Variants in COX7A2 observed in about 807,000 individuals in gnomAD.
COX7A2 encodes the protein cytochrome c oxidase subunit 7A2.
In COX7A2, 11 loss-of-function variants were observed where a neutral mutation model predicts 11.6. The observed-to-expected ratio is 0.95, with a 90% CI of 0.60 to 1.57. The LOEUF is 1.57. Among genes scored for constraint, COX7A2 ranks in the 40% most tolerant of loss-of-function variants. The pLI, the probability that COX7A2 is intolerant of heterozygous loss-of-function variation, is 0.00. For missense variants in COX7A2, 106 were observed against 100.9 expected (o/e 1.05, Z -0.22); for synonymous variants, 30 against 38.2 (o/e 0.78, Z 0.79).
chr6:75,238,080 A>G (rs1406936837), intron 3 of COX7A2, 92 bp from the exon 4 acceptor site: 18 of 770,350 alleles, frequency 2.3e-5, no homozygotes, highest in Admixed American at 3.5e-5. Context: ...GTAAGTTTGC[A>G]TTAAGACTAC....
intron 1 of COX7A2, chr6:75,241,849 A>G: frequency 6.5e-6 from 1 of 153,790 alleles, no homozygotes; most frequent in East Asian, 1.9e-4. Context: ...TGGGAGGCTG[A>G]GGCAGGAGAA....
rs1336219370 is a variant in COX7A2 at position 75,241,201 on chromosome 6, A to T, written c.83T>A (p.Val28Asp). ...TASRRHFKNKVPEKQKLFQED... is the reference protein window; with the variant it reads ...TASRRHFKNKDPEKQKLFQED... ...CTGGAACAGTTTTTGCTTCTCCGGAACTTTATTTTTAAAATGCCTGCGGGA... is the reference window on the plus strand; with the variant it reads ...CTGGAACAGTTTTTGCTTCTCCGGATCTTTATTTTTAAAATGCCTGCGGGA... The change falls in exon 2 of 4, where the codon GTT (valine) becomes GAT (aspartate). Residue 28 changes from valine (V) to aspartate (D), a missense_variant. Val to Asp is a radical substitution (Grantham distance 152, BLOSUM62 -3). Transcript: ENST00000684430. The T allele has an allele frequency of 6.3e-7, 1 of 1,598,612 alleles. No homozygotes were observed. Among genetic ancestry groups the T allele is most frequent in the Non-Finnish European group, 8.6e-7 (1 of 1,168,332 alleles).
Position 75,240,334 on chromosome 6 carries a change from G to A in COX7A2, c.160C>T (p.Leu54=), listed in dbSNP as rs368893887. 70 of 1,610,114 alleles carry A rather than the reference G, an allele frequency of 4.3e-5. No individual in the cohort carries two copies. The highest frequency in any genetic ancestry group is 5.8e-5 in the Non-Finnish European group (68 of 1,178,902). Residue 54 remains leucine, a synonymous_variant, in exon 3 of 4, where the codon CTG becomes TTG. Coordinates refer to ENST00000684430, the MANE Select transcript of COX7A2 (RefSeq NM_001366293.2). The stretch of plus-strand genomic sequence containing the variant: ...GTAAGAATCATGGTGGCTCTATACA[G>A]GAGGGCATCAGCTACCCCACCCTTT... The part of the protein sequence containing the change: ...YLKGGVADAL[L]YRATMILTVG...
downstream of COX7A2, chr6:75,237,771 A>T: frequency 2.1e-6 from 1 of 468,594 alleles, no homozygotes; most frequent in Non-Finnish European, 3.8e-6. Flanking sequence ...GCATAAAGTG[A>T]TAAAATCAGA....
intron 1 of COX7A2, among the ~76,000 whole-genome samples, chr6:75,242,231 G>A (rs1771525666): frequency 6.6e-6 from 1 of 151,846 alleles, no homozygotes. Context: ...TTGGCCAGGC[G>A]CGGTGGCTCA....
intron 3 of COX7A2, among the ~76,000 whole-genome samples, chr6:75,238,548 T>C (rs1345456478): frequency 6.6e-6 from 1 of 151,268 alleles, no homozygotes; most frequent in African/African-American, 2.4e-5. Context: ...CTACTAAAAA[T>C]ACAAAATTAG....
At chr6:75,243,629 TC>T in intron 1 of COX7A2, 87 bp downstream of exon 1, 1 of 1,315,998 alleles carries the variant, frequency 7.6e-7, no homozygotes, top group East Asian at 2.3e-5. Context: ...TCGGCACCCC[TC>T]CCAGGTGAGG....
chr6:75,241,442 C>T (rs1771497464), intron 1 of COX7A2, among the ~76,000 whole-genome samples, 177 bp from the exon 2 acceptor site: 1 of 152,202 alleles, frequency 6.6e-6, no homozygotes, highest in Admixed American at 6.5e-5. Context: ...ATCCTCTGCT[C>T]TTCGAATTAC....
At chr6:75,243,559 G>A (rs1391194072) in intron 1 of COX7A2, among the ~76,000 whole-genome samples, 158 bp downstream of exon 1, 8 of 152,070 alleles carry the variant, frequency 5.3e-5, no homozygotes, top group Admixed American at 3.3e-4. Flanking sequence ...AGGAATAGAC[G>A]GAAGGGAAAG....
At chr6:75,246,446 C>A (rs1771683469), upstream of COX7A2, among the ~76,000 whole-genome samples, 2 of 152,184 alleles carry the variant, frequency 1.3e-5, no homozygotes, top group South Asian at 2.1e-4. Context: ...GCCAAGCCAT[C>A]ATCATCTCTT....
In COX7A2 at chr6:75,241,279, A is replaced by C. The variant is rs778383388; in HGVS notation, c.19-14T>G. On this transcript the variant is annotated splice_polypyrimidine_tract_variant and intron_variant, in intron 1 of 3. Transcript: ENST00000684430. Reference sequence around the variant, plus strand: ...CTGACGAAGAGCCTAAAATGAAAATATTATTAAATAGACTTAGAGCCTAAA... The same window carrying C: ...CTGACGAAGAGCCTAAAATGAAAATCTTATTAAATAGACTTAGAGCCTAAA... The C allele has an allele frequency of 4.6e-6, 7 of 1,507,160 alleles. No individual in the cohort carries two copies. Among genetic ancestry groups the C allele is most frequent in the Non-Finnish European group, 5.4e-6 (6 of 1,110,862 alleles). 93.4% of individuals were successfully genotyped at this position (1,507,160 alleles called of 1,614,324 possible). A position where few individuals can be genotyped will look rare whatever the true frequency, so the allele number is the denominator to read the frequency against.
chr6:75,238,108 A>T (rs1234756533), intron 3 of COX7A2, 120 bp from the exon 4 acceptor site: 1 of 515,182 alleles, frequency 1.9e-6, no homozygotes, highest in Admixed American at 3.8e-5. Context: ...GGAACACAAA[A>T]AAGTATTTTG....
chr6:75,241,232 T>A lies in COX7A2; in HGVS notation c.52A>T (p.Thr18Ser). Residue 18 changes from threonine (T) to serine (S), a missense_variant, in exon 2 of 4, where the codon ACT becomes TCT. Thr to Ser is a moderately conservative substitution (Grantham distance 58). Transcript: ENST00000684430. ...LRQIGQRTISTASRRHFKNKV... is the reference protein window; with the variant it reads ...LRQIGQRTISSASRRHFKNKV... Reference sequence around the variant, plus strand: ...TTTTTAAAATGCCTGCGGGAAGCAGTGCTTATCGTCCTCTGCCCAATCTGA... The same window carrying A: ...TTTTTAAAATGCCTGCGGGAAGCAGAGCTTATCGTCCTCTGCCCAATCTGA... 1 of 1,588,400 alleles carries A rather than the reference T, an allele frequency of 6.3e-7. No homozygotes were observed. The highest frequency in any genetic ancestry group is 1.1e-5 in the South Asian group (1 of 87,976).
intron 1 of COX7A2, chr6:75,241,879 G>A (rs201285780): frequency 1.3e-5 from 2 of 152,702 alleles, no homozygotes; most frequent in Middle Eastern, 1.2e-3. Flanking sequence ...CCTGGGAGGC[G>A]GAGGTTGCAG....
intron 1 of COX7A2, among the ~76,000 whole-genome samples, chr6:75,242,578 T>C (rs1357742743): frequency 7.5e-6 from 1 of 133,120 alleles, no homozygotes; most frequent in Non-Finnish European, 1.6e-5. Flanking sequence ...TCCCAGCGCT[T>C]TGGGAGGCTG....
At chr6:75,244,874 T>C (rs1447815394), upstream of COX7A2, among the ~76,000 whole-genome samples, 3 of 152,202 alleles carry the variant, frequency 2.0e-5, no homozygotes, top group Non-Finnish European at 4.4e-5. Context: ...CCAATTCATG[T>C]CTTCCTTAGA....
chr6:75,242,187 T>C (rs1164756995), intron 1 of COX7A2, among the ~76,000 whole-genome samples: 2 of 147,436 alleles, frequency 1.4e-5, no homozygotes, highest in Non-Finnish European at 3.0e-5. Flanking sequence ...GCAAAAAGAG[T>C]GAAACTCCAT....
chr6:75,242,611 C>A (rs1582262883), intron 1 of COX7A2, among the ~76,000 whole-genome samples: 1 of 151,930 alleles, frequency 6.6e-6, no homozygotes, highest in Non-Finnish European at 1.5e-5. Flanking sequence ...CACTTGAGGT[C>A]GAGTCCGAGA....
In COX7A2 at chr6:75,240,393, TAAAA is replaced by T. The variant is rs56897555; in HGVS notation, c.109-12_109-9del. 78 of 1,215,818 alleles carry T rather than the reference TAAAA, an allele frequency of 6.4e-5. No individual in the cohort carries two copies. The highest frequency in any genetic ancestry group is 1.5e-4 in the South Asian group (10 of 68,190). The allele number at this position is 1,215,818 out of a possible 1,614,324, so 75.3% of individuals were successfully genotyped here. A position where few individuals can be genotyped will look rare whatever the true frequency, so the allele number is the denominator to read the frequency against. On this transcript the variant is annotated splice_polypyrimidine_tract_variant and intron_variant, in intron 2 of 3. Coordinates refer to ENST00000684430, the MANE Select transcript of COX7A2 (RefSeq NM_001366293.2). ...TGGAATTTCATCATCCTCCTAGATT[TAAAA>T]AAAAAAAAAAAAGACAATAATAAAT...
Sources: allele counts gnomAD v4.1 joint callset (sites outside exome capture counted in the v4.1 genomes callset), GRCh38; gene constraint gnomAD v4.1.1; transcripts MANE v1.5; gene names NCBI Gene and HGNC (gene_info 2026-07-23, HGNC 2026-07-21).